The following CLRN1 variants were observed in gnomAD, a reference collection of about 807,000 sequenced individuals.
The protein encoded by CLRN1 is clarin-1.
In CLRN1, 15 loss-of-function variants were observed where a neutral mutation model predicts 18.7. The ratio of observed to expected loss-of-function variants is 0.80; its 90% confidence interval spans 0.54 to 1.23. The LOEUF (loss-of-function observed/expected upper bound fraction) is 1.23, where lower values mean the gene tolerates loss of function less well. Ranked by LOEUF, CLRN1 falls within the 50% of genes most tolerant of loss-of-function variation. The pLI is 0.00. For missense variants in CLRN1, 311 were observed against 277.5 expected, an observed-to-expected ratio of 1.12 and a Z score of -0.86; for synonymous variants, 104 against 102.9, an observed-to-expected ratio of 1.01 and a Z score of -0.07.
chr3:150,968,471 G>A (rs767742223), intron 1 of CLRN1, among the ~76,000 whole-genome samples: 2 of 152,190 alleles, frequency 1.3e-5, no homozygotes, highest in Non-Finnish European at 2.9e-5. Flanking sequence ...AAGTGGATGA[G>A]AATCAGCCAG....
intron 2 of CLRN1, among the ~76,000 whole-genome samples, chr3:150,931,182 CTATT>C (rs1713117182): frequency 6.6e-6 from 1 of 152,210 alleles, no homozygotes; most frequent in Non-Finnish European, 1.5e-5. Context: ...TCAAGGATAA[CTATT>C]TATGACTTAT....
intron 1 of CLRN1, chr3:150,943,846 G>A (rs1458744501): frequency 6.2e-7 from 1 of 1,614,196 alleles, no homozygotes; most frequent in Admixed American, 1.7e-5. Context: ...GGCCTGCATG[G>A]AGTTTACTCC....
At chr3:150,965,769 G>A (rs940605482) in intron 1 of CLRN1, among the ~76,000 whole-genome samples, 1 of 151,894 alleles carries the variant, frequency 6.6e-6, no homozygotes, top group Non-Finnish European at 1.5e-5. Flanking sequence ...GGTGTGGGAT[G>A]ATTTAAAGGG....
chr3:150,947,568 C>G (rs2107962082), intron 1 of CLRN1, among the ~76,000 whole-genome samples: 1 of 152,262 alleles, frequency 6.6e-6, no homozygotes, highest in Non-Finnish European at 1.5e-5. Flanking sequence ...TAGACCTCTA[C>G]AGAACTCTGT....
intron 1 of CLRN1, among the ~76,000 whole-genome samples, chr3:150,955,853 A>G (rs996380628): frequency 6.6e-6 from 1 of 152,178 alleles, no homozygotes; most frequent in African/African-American, 2.4e-5. Flanking sequence ...CAATTTTATA[A>G]CTATGAAATT....
At chr3:150,942,772 AT>A (rs1713932768) in intron 1 of CLRN1, 8 of 243,686 alleles carry the variant, frequency 3.3e-5, no homozygotes, top group South Asian at 2.3e-4. Flanking sequence ...GACACTTCTC[AT>A]TTTTCTCCAA....
At chr3:150,943,797 C>A (rs766904698) in intron 1 of CLRN1, 1 of 1,614,050 alleles carries the variant, frequency 6.2e-7, no homozygotes, top group Non-Finnish European at 8.5e-7. Context: ...CCTCTGGGGC[C>A]CTGGGGTTGC....
At chr3:150,948,064 A>T (rs1338348843) in intron 1 of CLRN1, among the ~76,000 whole-genome samples, 1 of 152,218 alleles carries the variant, frequency 6.6e-6, no homozygotes, top group Non-Finnish European at 1.5e-5. Context: ...GAACTGAAGG[A>T]TTGATACATG....
chr3:150,948,209 G>A (rs1714278416), intron 1 of CLRN1, among the ~76,000 whole-genome samples: 1 of 151,876 alleles, frequency 6.6e-6, no homozygotes, highest in Admixed American at 6.6e-5. Flanking sequence ...AATGGGCCGG[G>A]CGCGGTGGCT....
intron 1 of CLRN1, 74 bp downstream of exon 1, chr3:150,972,382 C>T: frequency 1.2e-6 from 2 of 1,606,792 alleles, no homozygotes; most frequent in Non-Finnish European, 1.7e-6. Flanking sequence ...GCAAAATTCT[C>T]AAATATAATT....
chr3:150,938,312 A>G (rs900673553), intron 2 of CLRN1, among the ~76,000 whole-genome samples: 3 of 152,158 alleles, frequency 2.0e-5, no homozygotes. Context: ...ACCCCAATAC[A>G]GTCTCTGGCC....
chr3:150,943,537 TGAGAGC>T (rs1713979360), intron 1 of CLRN1, among the ~76,000 whole-genome samples: 1 of 152,224 alleles, frequency 6.6e-6, no homozygotes. Flanking sequence ...CTCTCTCTGC[TGAGAGC>T]CACTTTCATT....
chr3:150,953,860 C>A (rs1714610067), intron 1 of CLRN1, among the ~76,000 whole-genome samples: 1 of 152,138 alleles, frequency 6.6e-6, no homozygotes, highest in African/African-American at 2.4e-5. Flanking sequence ...ACATTTAATT[C>A]TAACAGTATG....
intron 1 of CLRN1, among the ~76,000 whole-genome samples, chr3:150,946,389 C>A (rs1212452160): frequency 6.6e-6 from 1 of 152,090 alleles, no homozygotes; most frequent in Non-Finnish European, 1.5e-5. Flanking sequence ...TTGTTACAGC[C>A]ACCTTAGGGA....
At chr3:150,966,946 G>T (rs868114009) in intron 1 of CLRN1, among the ~76,000 whole-genome samples, 1 of 152,112 alleles carries the variant, frequency 6.6e-6, no homozygotes, top group Admixed American at 6.6e-5. Flanking sequence ...GCATTTAAAC[G>T]GTGAGAGATG....
chr3:150,932,586 T>A (rs755406397), intron 2 of CLRN1, among the ~76,000 whole-genome samples: 23 of 152,354 alleles, frequency 1.5e-4, no homozygotes, highest in Non-Finnish European at 2.5e-4. Flanking sequence ...TATAGAATGA[T>A]AAATTGATAA....
intron 2 of CLRN1, among the ~76,000 whole-genome samples, chr3:150,939,339 C>A (rs1174336181): frequency 6.6e-6 from 1 of 152,166 alleles, no homozygotes; most frequent in African/African-American, 2.4e-5. Context: ...GTCTGAGACA[C>A]AATGCTCTGG....
At position 150,927,029 on chromosome 3, in the gene CLRN1, A is replaced by C; in HGVS notation, c.*907T>G. 2 of 1,376,932 alleles carry C rather than the reference A, an allele frequency of 1.5e-6. No individual in the cohort carries two copies. Among genetic ancestry groups the C allele is most frequent in the African/African-American group, 1.4e-5 (1 of 70,030 alleles). 85.3% of individuals were successfully genotyped at this position (1,376,932 alleles called of 1,614,324 possible). ...ATTGCATATTAGTACTCGAGACACTATAGCTAGAAAAACAGCCCCTAATAA... is the reference window on the plus strand; with the variant it reads ...ATTGCATATTAGTACTCGAGACACTCTAGCTAGAAAAACAGCCCCTAATAA... On this transcript the variant is annotated 3_prime_UTR_variant, in exon 3 of 3. Transcript: ENST00000327047.
At chr3:150,948,256 G>T (rs1400066458) in intron 1 of CLRN1, among the ~76,000 whole-genome samples, 11 of 152,050 alleles carry the variant, frequency 7.2e-5, no homozygotes, top group African/African-American at 2.7e-4. Flanking sequence ...AGGCCGAGGC[G>T]GGCGGATCAC....
Sources: gnomAD v4.1 joint callset for allele counts (sites outside exome capture counted in the v4.1 genomes callset) on GRCh38, gnomAD v4.1.1 for gene constraint, MANE v1.5 for transcripts, NCBI Gene and HGNC (gene_info 2026-07-23, HGNC 2026-07-21) for gene names.